SASH1: variants seen among roughly 807,000 people sequenced by gnomAD.
The protein encoded by SASH1 is SAM and SH3 domain-containing protein 1.
In SASH1, 44 loss-of-function variants were observed where a neutral mutation model predicts 125.2. The observed-to-expected ratio is 0.35, with a 90% CI of 0.28 to 0.45. The LOEUF is 0.45. Ranked by LOEUF, SASH1 falls within the 20% of genes least tolerant of loss-of-function variation. The probability of loss-of-function intolerance (pLI) is 1.00; values close to 1 mark genes in which losing one functional copy is unlikely to be tolerated. For missense variants in SASH1, 1,426 were observed against 1,614.5 expected, an observed-to-expected ratio of 0.88 and a Z score of 2.00; for synonymous variants, 639 against 649.1, an observed-to-expected ratio of 0.98 and a Z score of 0.24.
rs747703198 is a variant in SASH1 at position 148,544,111 on chromosome 6, C to T, written c.2641C>T (p.Pro881Ser). The T allele has an allele frequency of 6.2e-7, 1 of 1,614,080 alleles. No individual in the cohort carries two copies. The highest frequency in any genetic ancestry group is 1.1e-5 in the South Asian group (1 of 91,076). ...KTTASSTKAQ[P>S]LEQDSAVDNA... ...GACCGCCTCTTCCACGAAGGCCCAG[C>T]CCCTGGAGCAAGACTCTGCTGTCGA... The change falls in exon 18 of 20, where the codon CCC (proline) becomes TCC (serine). Residue 881 changes from proline to serine, a missense_variant. Around this residue, in one of 3 missense-constraint regions of SASH1, gnomAD observed 634 missense variants for 694.4 expected, o/e 0.91. Transcript: ENST00000367467. The surrounding 1 kb of genome is among the most constrained non-coding windows in gnomAD (Gnocchi z 6.4).
chr6:148,329,008 G>A (rs1415120884), intron 1 of SASH1, among the ~76,000 whole-genome samples: 1 of 152,108 alleles, frequency 6.6e-6, no homozygotes, highest in Non-Finnish European at 1.5e-5. Flanking sequence ...AGAAGACTTA[G>A]GCCAGATGTT....
chr6:148,259,578 G>C, the SASH1 span, among the ~76,000 whole-genome samples: 7 of 152,136 alleles, frequency 4.6e-5, no homozygotes, highest in Non-Finnish European at 8.8e-5. Flanking sequence ...TGGGTGCCCC[G>C]GGAAGGCAGG....
chr6:148,209,538 G>A, the SASH1 span, among the ~76,000 whole-genome samples: 6,406 of 152,304 alleles, frequency 0.042, 180 homozygotes, highest in Non-Finnish European at 0.058. Context: ...TGGAAGAAAT[G>A]CTGGGCCACA....
chr6:148,286,859 G>A (rs1779495288), intron 1 of SASH1, among the ~76,000 whole-genome samples: 1 of 152,154 alleles, frequency 6.6e-6, no homozygotes, highest in Admixed American at 6.5e-5. Context: ...AAGCTACTTA[G>A]GGAACTGCAA....
intron 1 of SASH1, among the ~76,000 whole-genome samples, chr6:148,355,112 A>G (rs1781879315): frequency 6.6e-6 from 1 of 152,240 alleles, no homozygotes; most frequent in African/African-American, 2.4e-5. Flanking sequence ...TATGAATCTA[A>G]AGAGAGCCTA....
At chr6:148,508,391 C>T (rs1779925723) in intron 8 of SASH1, 1 of 810,214 alleles carries the variant, frequency 1.2e-6, no homozygotes, top group Admixed American at 5.6e-5. Context: ...TCCTTGTCCT[C>T]CTTGTCCTGG....
chr6:148,368,546 C>T (rs780926661), intron 1 of SASH1, among the ~76,000 whole-genome samples: 14 of 152,306 alleles, frequency 9.2e-5, no homozygotes, highest in South Asian at 4.1e-4. Flanking sequence ...GTTGGGATTA[C>T]GGGTGTGAGC....
At chr6:148,230,027 T>C in the SASH1 span, among the ~76,000 whole-genome samples, 2 of 152,112 alleles carry the variant, frequency 1.3e-5, no homozygotes, top group Non-Finnish European at 2.9e-5. Flanking sequence ...TTTTATCATC[T>C]ATAAAAAAGA....
At chr6:148,534,083 T>C in intron 15 of SASH1, 103 bp downstream of exon 15, 1 of 946,998 alleles carries the variant, frequency 1.1e-6, no homozygotes, top group South Asian at 1.6e-5. Context: ...GGGGCTGATC[T>C]GTGTGGTCCA....
At chr6:148,507,585 G>A (rs1381208364) in intron 8 of SASH1, among the ~76,000 whole-genome samples, 3 of 152,124 alleles carry the variant, frequency 2.0e-5, no homozygotes, top group African/African-American at 7.2e-5. Context: ...TTCCCAGGCT[G>A]GTCTCGAACT....
rs1583059989 is a variant in SASH1 at position 148,384,876 on chromosome 6, T to TA, written c.157-5257dup. Among the ~76,000 whole-genome samples the TA allele has an allele frequency of 2.0e-5, 3 of 152,280 alleles. No homozygotes were observed. In the East Asian group the frequency reaches 5.8e-4, roughly 29 times the overall value. On this transcript the variant is annotated intron_variant, in intron 1 of 19. Transcript: ENST00000367467. ...TTCCCAGAGTTTCCTCCCACCCCCATATAACATAGAAATGATGATTATTCT... is the reference window on the plus strand; with the variant it reads ...TTCCCAGAGTTTCCTCCCACCCCCATAATAACATAGAAATGATGATTATTCT...
At chr6:148,548,013 A>G (rs1462856375) in intron 19 of SASH1, among the ~76,000 whole-genome samples, 3 of 152,258 alleles carry the variant, frequency 2.0e-5, no homozygotes, top group African/African-American at 4.8e-5. Flanking sequence ...ACAAAATAGC[A>G]GAATATGTAA....
intron 7 of SASH1, among the ~76,000 whole-genome samples, chr6:148,485,536 TG>T (rs1778803104): frequency 6.6e-6 from 1 of 152,346 alleles, no homozygotes; most frequent in African/African-American, 2.4e-5. Context: ...TAGTTAATTC[TG>T]GTAACAGCTC....
At chr6:148,480,139 T>G (rs1315999222) in intron 7 of SASH1, 1 of 152,138 alleles carries the variant, frequency 6.6e-6, no homozygotes, top group Non-Finnish European at 1.5e-5. Flanking sequence ...AAGACCAGTC[T>G]GGCCAACATG....
Position 148,531,979 on chromosome 6 carries a change from G to A in SASH1, c.1564+318G>A, listed in dbSNP as rs529100621. Reference sequence around the variant, plus strand: ...ATGAAGATGACCAGCAAAATAAAGGGAGTGGGGAAGGGAGGGGAATTTTAT... The same window carrying A: ...ATGAAGATGACCAGCAAAATAAAGGAAGTGGGGAAGGGAGGGGAATTTTAT... On this transcript the variant is annotated intron_variant, in intron 13 of 19. Transcript: ENST00000367467. Among the ~76,000 whole-genome samples, 4 of 152,304 alleles carry A rather than the reference G, an allele frequency of 2.6e-5. No individual in the cohort carries two copies. The East Asian group carries it at 7.7e-4, about 29-fold the overall frequency.
chr6:148,506,940 C>T (rs1779833414), intron 8 of SASH1, among the ~76,000 whole-genome samples: 1 of 152,118 alleles, frequency 6.6e-6, no homozygotes, highest in African/African-American at 2.4e-5. Flanking sequence ...GGTCTGTATG[C>T]AAATGTTTAG....
At chr6:148,354,933 T>C (rs1319567964) in intron 1 of SASH1, among the ~76,000 whole-genome samples, 2 of 152,152 alleles carry the variant, frequency 1.3e-5, no homozygotes, top group Admixed American at 1.3e-4. Flanking sequence ...CTGATTTTTG[T>C]ATTTTAGTAA....
At chr6:148,452,844 A>C (rs1404438894) in intron 4 of SASH1, among the ~76,000 whole-genome samples, 1 of 152,170 alleles carries the variant, frequency 6.6e-6, no homozygotes, top group East Asian at 1.9e-4. Flanking sequence ...CCCTTCCCAC[A>C]TGACCTTTCG....
intron 7 of SASH1, chr6:148,478,836 CTG>C (rs1778484930): frequency 6.3e-6 from 1 of 157,904 alleles, no homozygotes; most frequent in East Asian, 1.9e-4. Context: ...TAGTAACCAC[CTG>C]GCCTAGCTGC....
Sources: allele counts gnomAD v4.1 joint callset (sites outside exome capture counted in the v4.1 genomes callset), GRCh38; gene constraint gnomAD v4.1.1; regional missense constraint gnomAD v4.1.1; non-coding constraint Gnocchi (gnomAD v3.1); transcripts MANE v1.5; gene names NCBI Gene and HGNC (gene_info 2026-07-23, HGNC 2026-07-21).